HMCN1: variants seen among roughly 807,000 people sequenced by gnomAD.
HMCN1 encodes hemicentin-1.
A neutral mutation model predicts 625.9 loss-of-function variants in HMCN1; 321 were observed. The ratio of observed to expected loss-of-function variants is 0.51; its 90% CI spans 0.47 to 0.56. The LOEUF is 0.56. Ranked by LOEUF, HMCN1 falls within the 20% of genes least tolerant of loss-of-function variation. The probability of loss-of-function intolerance (pLI) is 0.00; values close to 1 mark genes in which losing one functional copy is unlikely to be tolerated. For missense variants in HMCN1, 6,588 were observed against 6,887.3 expected (o/e 0.96, Z 1.54); for synonymous variants, 2,425 against 2,417.6 (o/e 1.00, Z -0.09).
intron 11 of HMCN1, among the ~76,000 whole-genome samples, chr1:185,942,096 C>G (rs903936116): frequency 6.7e-6 from 1 of 149,258 alleles, no homozygotes; most frequent in East Asian, 2.0e-4. Flanking sequence ...GAGGATGAGG[C>G]GGGAGAATCA....
chr1:186,061,252 A>G (rs1053211255), intron 46 of HMCN1, among the ~76,000 whole-genome samples: 1 of 152,172 alleles, frequency 6.6e-6, no homozygotes, highest in Admixed American at 6.6e-5. Flanking sequence ...GCCTCAGGAA[A>G]CTTAAAATTA....
chr1:186,076,310 G>C (rs905985939), intron 53 of HMCN1, 118 bp from the exon 54 acceptor site: 1 of 1,056,252 alleles, frequency 9.5e-7, no homozygotes, highest in African/African-American at 1.6e-5. Flanking sequence ...GTCAGTACTT[G>C]AAATTATTTC....
intron 42 of HMCN1, among the ~76,000 whole-genome samples, chr1:186,052,645 TC>T (rs1657037546): frequency 6.6e-6 from 1 of 152,178 alleles, no homozygotes; most frequent in Non-Finnish European, 1.5e-5. Flanking sequence ...TGTCTAAATA[TC>T]TTGCATCAAA....
intron 1 of HMCN1, among the ~76,000 whole-genome samples, chr1:185,843,203 C>T (rs1311525877): frequency 1.3e-5 from 2 of 152,130 alleles, no homozygotes; most frequent in Non-Finnish European, 2.9e-5. Flanking sequence ...CAGCTTTATT[C>T]ATCCCACTTT....
chr1:185,906,429 G>A (rs1666098273), intron 4 of HMCN1, among the ~76,000 whole-genome samples: 1 of 151,754 alleles, frequency 6.6e-6, no homozygotes, highest in Non-Finnish European at 1.5e-5. Flanking sequence ...GTAAACCAAA[G>A]CCCACTTATA....
chr1:186,047,914 C>G (rs533112704), intron 41 of HMCN1, among the ~76,000 whole-genome samples: 1 of 152,218 alleles, frequency 6.6e-6, no homozygotes, highest in South Asian at 2.1e-4. Flanking sequence ...CCAAGTGCTT[C>G]AAATGATCAC....
intron 11 of HMCN1, among the ~76,000 whole-genome samples, chr1:185,950,636 G>A (rs1420843312): frequency 2.0e-5 from 3 of 152,020 alleles, no homozygotes; most frequent in Admixed American, 6.5e-5. Context: ...GGGCTTGAGT[G>A]AAGTAATGGG....
Position 185,734,628 on chromosome 1 carries a change from C to T in HMCN1, c.-152C>T. ...AGGGATTCGAGTTTGGTGCTTGTCC[C>T]CGTCTGATTCTCAGCGCCAAACTTT... On this transcript the variant is annotated 5_prime_UTR_variant, in exon 1 of 107. Coordinates refer to ENST00000271588, the MANE Select transcript of HMCN1 (RefSeq NM_031935.3). 1 of 728,814 alleles carries T rather than the reference C, an allele frequency of 1.4e-6. No homozygotes were observed. The highest frequency in any genetic ancestry group is 1.6e-5 in the South Asian group (1 of 62,150). 45.1% of individuals were successfully genotyped at this position (728,814 alleles called of 1,614,324 possible).
chr1:185,938,472 C>G (rs1667927108), intron 11 of HMCN1, among the ~76,000 whole-genome samples: 1 of 151,860 alleles, frequency 6.6e-6, no homozygotes, highest in Non-Finnish European at 1.5e-5. Context: ...GGTCTGAATA[C>G]TTTCCCTAAT....
At chr1:185,829,332 T>C (rs1297098267) in intron 1 of HMCN1, among the ~76,000 whole-genome samples, 2 of 151,390 alleles carry the variant, frequency 1.3e-5, no homozygotes, top group African/African-American at 4.9e-5. Context: ...AACGTGCAGG[T>C]TTGTTATATG....
At chr1:185,876,180 T>C in intron 4 of HMCN1, among the ~76,000 whole-genome samples, 1 of 152,120 alleles carries the variant, frequency 6.6e-6, no homozygotes, top group Non-Finnish European at 1.5e-5. Flanking sequence ...TTTTCTGTTT[T>C]TGAGTTATTT....
In HMCN1 at chr1:185,922,319, T is replaced by C. The variant is rs1667041874; in HGVS notation, c.901-60T>C. ...GTGCAGTTTCCCATACTGGCGAGGGTTGCATATGACCAGCATACTGGATCA... is the reference window on the plus strand; with the variant it reads ...GTGCAGTTTCCCATACTGGCGAGGGCTGCATATGACCAGCATACTGGATCA... On this transcript the variant is annotated intron_variant, in intron 6 of 106. Coordinates refer to ENST00000271588, the MANE Select transcript of HMCN1 (RefSeq NM_031935.3). The C allele has an allele frequency of 1.9e-6, 3 of 1,600,300 alleles. No homozygotes were observed. In the African/African-American group the frequency reaches 4.0e-5, roughly 21 times the overall value.
rs1258451806 is a variant in HMCN1 at position 186,117,092 on chromosome 1, G to T, written c.11660G>T (p.Arg3887Ile). Residue 3887 changes from arginine to isoleucine, a missense_variant, in exon 76 of 107, where the codon AGA becomes ATA. Physicochemically the swap from Arg to Ile is moderately conservative, Grantham distance 97. Transcript: ENST00000271588. Reference sequence around the variant, plus strand: ...ACAAACGGTGCTGGAGATGATAAAAGAACTGTGGATCTCACTGTCCAAGGT... The same window carrying T: ...ACAAACGGTGCTGGAGATGATAAAATAACTGTGGATCTCACTGTCCAAGGT... ...TVTNGAGDDKRTVDLTVQVPP... is the reference protein window; with the variant it reads ...TVTNGAGDDKITVDLTVQVPP... 15 of 1,613,306 alleles carry T rather than the reference G, an allele frequency of 9.3e-6. No individual in the cohort carries two copies. In the Admixed American group the frequency reaches 2.3e-4, roughly 25 times the overall value.
At position 186,132,606 on chromosome 1, in the gene HMCN1, A is replaced by G. The variant is rs545999635; in HGVS notation, c.13312+197A>G. 9.3e-4 allele frequency among the ~76,000 whole-genome samples: 142 copies of G among 151,974 alleles called. 1 individual carries two copies. The highest frequency in any genetic ancestry group is 3.4e-3 in the African/African-American group (139 of 41,448). ...ACACACAGATATTTTTCTCTATTTT[A>G]TCTAACGTATATAGTATAAGATTGC... On this transcript the variant is annotated intron_variant, in intron 86 of 106. Coordinates refer to ENST00000271588, the MANE Select transcript of HMCN1 (RefSeq NM_031935.3).
In HMCN1 at chr1:186,003,948, A is replaced by G. The variant is rs996928723; in HGVS notation, c.4475+104A>G. ...TCTTAATTATTTTATTACATAGAAT[A>G]TTATTAAATGAGCATACAGGAAAAA... is the stretch of plus-strand genomic sequence containing the variant. On this transcript the variant is annotated intron_variant, in intron 29 of 106. Transcript: ENST00000271588. The G allele has an allele frequency of 5.5e-6, 6 of 1,086,052 alleles. No homozygotes were observed. In the African/African-American group the frequency reaches 7.9e-5, roughly 14 times the overall value. The allele number at this position is 1,086,052 out of a possible 1,614,324, so 67.3% of individuals were successfully genotyped here.
intron 5 of HMCN1, among the ~76,000 whole-genome samples, chr1:185,910,057 A>T (rs1446492098): frequency 6.6e-6 from 1 of 152,144 alleles, no homozygotes; most frequent in Non-Finnish European, 1.5e-5. Flanking sequence ...GCTAGTTGAT[A>T]ACTACAATAA....
chr1:186,002,023 A>G (rs1447852415), intron 28 of HMCN1, among the ~76,000 whole-genome samples: 2 of 151,984 alleles, frequency 1.3e-5, no homozygotes, highest in African/African-American at 4.8e-5. Flanking sequence ...AGAAATTATT[A>G]CTCTTGTCAA....
intron 42 of HMCN1, among the ~76,000 whole-genome samples, chr1:186,050,512 G>T (rs1234246147): frequency 6.6e-6 from 1 of 151,972 alleles, no homozygotes; most frequent in Non-Finnish European, 1.5e-5. Context: ...AAAAAAATGT[G>T]CCATGGAAAC....
chr1:185,937,482 C>T (rs936182951), intron 11 of HMCN1, among the ~76,000 whole-genome samples: 24 of 152,186 alleles, frequency 1.6e-4, no homozygotes, highest in Non-Finnish European at 1.5e-5. Flanking sequence ...GAGGCCTCAT[C>T]TCCCAACGCT....
Sources: allele counts gnomAD v4.1 joint callset (sites outside exome capture counted in the v4.1 genomes callset), GRCh38; gene constraint gnomAD v4.1.1; transcripts MANE v1.5; gene names NCBI Gene and HGNC (gene_info 2026-07-23, HGNC 2026-07-21).